Variants in CMSS1 observed in about 807,000 individuals in gnomAD.
CMSS1 encodes cms1 ribosomal small subunit homolog.
Under a neutral mutation model 43.5 loss-of-function variants are expected in CMSS1, and 33 were observed. The observed-to-expected ratio is 0.76, with a 90% CI of 0.57 to 1.01. The LOEUF (loss-of-function observed/expected upper bound fraction) is 1.01, where lower values mean the gene tolerates loss of function less well. CMSS1 is among the 50% of genes least tolerant of loss of function. The pLI, the probability that CMSS1 is intolerant of heterozygous loss-of-function variation, is 0.00. For missense variants in CMSS1, 313 were observed against 326.4 expected (o/e 0.96, Z 0.32); for synonymous variants, 115 against 117.2 (o/e 0.98, Z 0.12).
chr3:99,886,193 A>G (rs1464738781), intron 1 of CMSS1, among the ~76,000 whole-genome samples: 1 of 152,036 alleles, frequency 6.6e-6, no homozygotes, highest in Non-Finnish European at 1.5e-5. Context: ...TTCAGCAACT[A>G]TTTGTTGAAT....
At chr3:100,093,424 T>G (rs2107439847) in intron 1 of CMSS1, among the ~76,000 whole-genome samples, 1 of 152,240 alleles carries the variant, frequency 6.6e-6, no homozygotes, top group South Asian at 2.1e-4. Context: ...CTTACATTAT[T>G]TTTCTTACAA....
intron 2 of CMSS1, among the ~76,000 whole-genome samples, chr3:100,147,445 T>G (rs1013692149): frequency 5.3e-5 from 8 of 151,644 alleles, no homozygotes; most frequent in African/African-American, 1.9e-4. Flanking sequence ...GCTAATTTTT[T>G]TATGTTTTGT....
chr3:99,867,220 A>T (rs1427281118), intron 1 of CMSS1, among the ~76,000 whole-genome samples: 2 of 152,184 alleles, frequency 1.3e-5, no homozygotes, highest in Non-Finnish European at 2.9e-5. Flanking sequence ...TCTGCTGCTT[A>T]TACTGTCCCT....
chr3:100,019,755 A>AT (rs1318077336), intron 1 of CMSS1, among the ~76,000 whole-genome samples: 1 of 152,192 alleles, frequency 6.6e-6, no homozygotes, highest in African/African-American at 2.4e-5. Context: ...CAGAACTATC[A>AT]TCTTTCAAAC....
At chr3:100,011,811 T>C (rs1356186960) in intron 1 of CMSS1, 1 of 152,212 alleles carries the variant, frequency 6.6e-6, no homozygotes, top group African/African-American at 2.4e-5. Flanking sequence ...AATGAATGAA[T>C]AGAAGGATGA....
intron 1 of CMSS1, among the ~76,000 whole-genome samples, chr3:99,974,416 A>T (rs1708908765): frequency 6.6e-6 from 1 of 152,142 alleles, no homozygotes; most frequent in Non-Finnish European, 1.5e-5. Flanking sequence ...AGGAATAAAA[A>T]CTCATTATTT....
intron 1 of CMSS1, among the ~76,000 whole-genome samples, chr3:99,990,031 A>G (rs533372056): frequency 1.1e-3 from 164 of 152,320 alleles, no homozygotes; most frequent in African/African-American, 3.8e-3. Context: ...GAGTCTTTAA[A>G]TCCCATAAAA....
chr3:100,114,599 C>A lies in CMSS1; in HGVS notation c.65-32374C>A, dbSNP rs148766016. ...CTCTTTGGCCAGCAACTCTGAAACA[C>A]CCTCTTAGGTAATTTTAAATTCATG... On this transcript the variant is annotated intron_variant, in intron 1 of 9. Coordinates refer to ENST00000421999, the MANE Select transcript of CMSS1 (RefSeq NM_032359.4). 705 of 183,738 alleles carry A rather than the reference C, an allele frequency of 3.8e-3. 7 individuals carry two copies. The highest frequency in any genetic ancestry group is 0.016 in the African/African-American group (684 of 42,168). The allele number at this position is 183,738 out of a possible 1,614,324, so 11.4% of individuals were successfully genotyped here. A position where few individuals can be genotyped will look rare whatever the true frequency, so the allele number is the denominator to read the frequency against.
intron 1 of CMSS1, among the ~76,000 whole-genome samples, chr3:99,990,171 CA>C (rs1400431345): frequency 2.0e-5 from 3 of 152,060 alleles, no homozygotes; most frequent in African/African-American, 7.2e-5. Flanking sequence ...AAATAATGAA[CA>C]AAACAGAAAG....
chr3:99,828,717 A>G (rs1942585329), intron 1 of CMSS1, among the ~76,000 whole-genome samples: 1 of 151,512 alleles, frequency 6.6e-6, no homozygotes, highest in East Asian at 1.9e-4. Flanking sequence ...CAGCCTCCCA[A>G]AGTGCTGGGG....
intron 1 of CMSS1, among the ~76,000 whole-genome samples, chr3:99,907,349 G>A (rs2107634727): frequency 6.6e-6 from 1 of 152,222 alleles, no homozygotes; most frequent in East Asian, 1.9e-4. Flanking sequence ...CCGGGTTCAT[G>A]CCATTCTCCT....
At chr3:99,858,816 G>A (rs759270893) in intron 1 of CMSS1, among the ~76,000 whole-genome samples, 1 of 152,218 alleles carries the variant, frequency 6.6e-6, no homozygotes, top group Non-Finnish European at 1.5e-5. Flanking sequence ...TTACTCCAGA[G>A]GATAGACAGT....
At chr3:100,097,592 T>G (rs2066233482) in intron 1 of CMSS1, among the ~76,000 whole-genome samples, 2 of 152,222 alleles carry the variant, frequency 1.3e-5, no homozygotes, top group African/African-American at 4.8e-5. Flanking sequence ...ATACATGTTT[T>G]GTTGGATTTA....
At chr3:99,948,700 G>C (rs1269003652) in intron 1 of CMSS1, among the ~76,000 whole-genome samples, 3 of 149,288 alleles carry the variant, frequency 2.0e-5, no homozygotes, top group African/African-American at 7.4e-5. Context: ...AAAGGAGAGA[G>C]AAAGGGAGAG....
chr3:99,914,520 C>T (rs929376243), intron 1 of CMSS1, among the ~76,000 whole-genome samples: 3 of 152,126 alleles, frequency 2.0e-5, no homozygotes, highest in African/African-American at 7.2e-5. Context: ...TCACTTTATA[C>T]TCTTTACAAC....
At chr3:100,043,074 G>C (rs766090998) in intron 1 of CMSS1, among the ~76,000 whole-genome samples, 2 of 152,250 alleles carry the variant, frequency 1.3e-5, no homozygotes, top group African/African-American at 4.8e-5. Context: ...ATCAGTGACA[G>C]ACCCCCTGAG....
intron 1 of CMSS1, among the ~76,000 whole-genome samples, chr3:100,093,210 T>C (rs2066143499): frequency 6.6e-6 from 1 of 152,140 alleles, no homozygotes; most frequent in Admixed American, 6.5e-5. Context: ...TTACCAGATA[T>C]ACTGAGTTGA....
chr3:100,140,159 A>G (rs902710610), intron 1 of CMSS1, among the ~76,000 whole-genome samples: 3 of 152,244 alleles, frequency 2.0e-5, no homozygotes, highest in Non-Finnish European at 4.4e-5. Flanking sequence ...CTTGCCCAAC[A>G]TCACACAACT....
At chr3:99,917,350 G>A (rs1706985677) in intron 1 of CMSS1, among the ~76,000 whole-genome samples, 1 of 152,106 alleles carries the variant, frequency 6.6e-6, no homozygotes, top group Admixed American at 6.5e-5. Flanking sequence ...TTAGTTGTGT[G>A]TAAAATTTAT....
Sources: gnomAD v4.1 joint callset for allele counts (sites outside exome capture counted in the v4.1 genomes callset) on GRCh38, gnomAD v4.1.1 for gene constraint, MANE v1.5 for transcripts, NCBI Gene and HGNC (gene_info 2026-07-23, HGNC 2026-07-21) for gene names.